Variants in KDM4C observed in about 807,000 individuals in gnomAD.
The protein encoded by KDM4C is lysine demethylase 4C.
KDM4C carries 81 observed loss-of-function variants against 129.3 expected under a neutral mutation model. The observed-to-expected ratio is 0.63, with a 90% confidence interval of 0.52 to 0.75. The LOEUF is 0.75. Among genes scored for constraint, KDM4C ranks in the 30% least tolerant of loss-of-function variants. KDM4C has a pLI of 0.00. For synonymous variants in KDM4C, 573 were observed against 456.1 expected, an observed-to-expected ratio of 1.26 and a Z score of -3.26; for missense variants, 1,457 against 1,304.0, an observed-to-expected ratio of 1.12 and a Z score of -1.81.
At chr9:6,977,727 T>C (rs1833169656) in intron 8 of KDM4C, among the ~76,000 whole-genome samples, 1 of 152,106 alleles carries the variant, frequency 6.6e-6, no homozygotes, top group Non-Finnish European at 1.5e-5. Context: ...TTGAGTCTGG[T>C]TGCAACATAT....
chr9:7,012,371 G>T (rs1822873584), intron 13 of KDM4C, among the ~76,000 whole-genome samples: 2 of 152,062 alleles, frequency 1.3e-5, no homozygotes, highest in Non-Finnish European at 2.9e-5. Context: ...TTTATTTCAT[G>T]GGTGGGTTAC....
intron 8 of KDM4C, among the ~76,000 whole-genome samples, chr9:6,926,124 G>A (rs894574238): frequency 1.3e-5 from 2 of 152,038 alleles, no homozygotes; most frequent in African/African-American, 4.8e-5. Flanking sequence ...TGGTTCTTTC[G>A]TGGACCGGGT....
intron 2 of KDM4C, 49 bp downstream of exon 2, chr9:6,793,181 A>G: frequency 6.3e-7 from 1 of 1,579,164 alleles, no homozygotes; most frequent in Non-Finnish European, 8.6e-7. Flanking sequence ...TTGGCCTTTA[A>G]TTTATGTTCT....
chr9:7,036,040 A>G (rs539580068), intron 15 of KDM4C, among the ~76,000 whole-genome samples: 1 of 151,994 alleles, frequency 6.6e-6, no homozygotes, highest in South Asian at 2.1e-4. Flanking sequence ...TGGTGTTTTG[A>G]TAGGGATTGC....
intron 17 of KDM4C, among the ~76,000 whole-genome samples, chr9:7,069,357 G>T (rs192425196): frequency 5.5e-4 from 83 of 152,242 alleles, no homozygotes; most frequent in African/African-American, 1.9e-3. Flanking sequence ...TAATTGCCAG[G>T]AAAGTTTATA....
In KDM4C at chr9:7,015,871, C is replaced by T; in HGVS notation, c.2201C>T (p.Ser734Phe). 1 of 1,612,170 alleles carries T rather than the reference C, an allele frequency of 6.2e-7. No individual in the cohort carries two copies. The highest frequency in any genetic ancestry group is 2.2e-5 in the East Asian group (1 of 44,846). ...RVHASCYGIPSHEICDGWLCA... is the reference protein window; with the variant it reads ...RVHASCYGIPFHEICDGWLCA... ...TTTATAGGTTGTTATGGTATTCCTT[C>T]TCATGAGATCTGTGATGGATGGCTG... is the stretch of plus-strand genomic sequence containing the variant. Residue 734 changes from serine to phenylalanine, a missense_variant, in exon 15 of 22, where the codon TCT becomes TTT. Transcript: ENST00000381309.
chr9:7,138,294 TATC>T (rs1284924423), intron 19 of KDM4C, among the ~76,000 whole-genome samples: 1 of 152,226 alleles, frequency 6.6e-6, no homozygotes, highest in Non-Finnish European at 1.5e-5. Context: ...AATTTCCCTC[TATC>T]ATCTAATTTT....
At position 6,793,002 on chromosome 9, in the gene KDM4C, A is replaced by T. The variant is rs139102963; in HGVS notation, c.14A>T (p.Glu5Val). 3.7e-6 allele frequency: 6 copies of T among 1,614,058 alleles called. No homozygotes were observed. Among genetic ancestry groups the T allele is most frequent in the Non-Finnish European group, 5.1e-6 (6 of 1,180,052 alleles). MEVA[E>V]VESPLNPSCK... ...GCCCTAACCATCATGGAGGTGGCCG[A>T]GGTGGAAAGTCCTCTGAACCCCAGC... is the stretch of plus-strand genomic sequence containing the variant. The change falls in exon 2 of 22, where the codon GAG (glutamate) becomes GTG (valine). Residue 5 changes from glutamate (E) to valine (V), a missense_variant. Transcript: ENST00000381309.
In KDM4C at chr9:6,990,399, T is replaced by C; in HGVS notation, c.1678-17T>C. 6.5e-7 allele frequency: 1 copy of C among 1,545,150 alleles called. No individual in the cohort carries two copies. Among genetic ancestry groups the C allele is most frequent in the East Asian group, 2.2e-5 (1 of 44,530 alleles). ...TTTGATAATGGTATTTCTCCACCAT[T>C]TTTGTTCTATAACTAGATAGCAGAG... is the stretch of plus-strand genomic sequence containing the variant. On this transcript the variant is annotated splice_polypyrimidine_tract_variant and intron_variant, in intron 11 of 21. Coordinates refer to ENST00000381309, the MANE Select transcript of KDM4C (RefSeq NM_015061.6).
chr9:7,076,872 T>C lies in KDM4C; in HGVS notation c.2425-26813T>C, dbSNP rs565273865. The C allele has an allele frequency of 5.0e-6, 5 of 996,794 alleles. No individual in the cohort carries two copies. The South Asian group carries it at 1.8e-4, about 36-fold the overall frequency. The allele number at this position is 996,794 out of a possible 1,614,324, so 61.7% of individuals were successfully genotyped here. A position where few individuals can be genotyped will look rare whatever the true frequency, so the allele number is the denominator to read the frequency against. On this transcript the variant is annotated intron_variant, in intron 17 of 21. Transcript: ENST00000381309. ...TTTCCAAGGTGCATCAGGTTAATGA[T>C]TTGGATGCATCCTGAGGTTGTCTCC...
At chr9:6,995,894 A>G (rs1563953927) in intron 12 of KDM4C, among the ~76,000 whole-genome samples, 1 of 129,558 alleles carries the variant, frequency 7.7e-6, no homozygotes, top group Non-Finnish European at 1.7e-5. Flanking sequence ...GATGGTCTCG[A>G]TCTGACCTCG....
intron 15 of KDM4C, among the ~76,000 whole-genome samples, chr9:7,038,635 A>G (rs1030268460): frequency 6.6e-6 from 1 of 152,072 alleles, no homozygotes; most frequent in Non-Finnish European, 1.5e-5. Context: ...ATGAAATTAT[A>G]GTCGTTATAT....
At chr9:7,135,827 G>A (rs1327030910) in intron 19 of KDM4C, among the ~76,000 whole-genome samples, 1 of 152,152 alleles carries the variant, frequency 6.6e-6, no homozygotes, top group Admixed American at 6.5e-5. Flanking sequence ...GGAGTTTTGG[G>A]CCAAGTGGCC....
At chr9:6,777,792 T>C (rs1396574626) in intron 1 of KDM4C, among the ~76,000 whole-genome samples, 1 of 152,136 alleles carries the variant, frequency 6.6e-6, no homozygotes, top group African/African-American at 2.4e-5. Context: ...AAATGGTTTG[T>C]AATTGGAAAC....
chr9:6,985,013 G>T (rs887528783), intron 10 of KDM4C, among the ~76,000 whole-genome samples: 11 of 152,126 alleles, frequency 7.2e-5, no homozygotes, highest in Non-Finnish European at 1.5e-4. Context: ...GCTAATTCCT[G>T]TGTTCCTCTC....
At chr9:7,162,283 T>C (rs1202405050) in intron 19 of KDM4C, among the ~76,000 whole-genome samples, 1 of 152,192 alleles carries the variant, frequency 6.6e-6, no homozygotes, top group Non-Finnish European at 1.5e-5. Context: ...AAATGTCTTC[T>C]TGAGTTTGGC....
intron 15 of KDM4C, among the ~76,000 whole-genome samples, chr9:7,035,292 G>C (rs1425717255): frequency 3.5e-5 from 4 of 114,776 alleles, no homozygotes; most frequent in Non-Finnish European, 6.2e-5. Context: ...AGGATTATAG[G>C]CATGAGCTAC....
chr9:6,795,830 C>G (rs1827641822), intron 2 of KDM4C, among the ~76,000 whole-genome samples: 1 of 151,936 alleles, frequency 6.6e-6, no homozygotes, highest in Non-Finnish European at 1.5e-5. Flanking sequence ...CAGCACCATG[C>G]CTGGCTAAGT....
At chr9:6,888,478 C>T (rs997200469) in intron 7 of KDM4C, among the ~76,000 whole-genome samples, 1 of 152,104 alleles carries the variant, frequency 6.6e-6, no homozygotes, top group Admixed American at 6.5e-5. Context: ...CACATTTAGA[C>T]ATAATACAAT....
Sources: allele counts gnomAD v4.1 joint callset (sites outside exome capture counted in the v4.1 genomes callset), GRCh38; gene constraint gnomAD v4.1.1; transcripts MANE v1.5; gene names NCBI Gene and HGNC (gene_info 2026-07-23, HGNC 2026-07-21).